The following EDEM2 variants were observed in gnomAD, a reference collection of about 807,000 sequenced individuals.
EDEM2 encodes the protein ER degradation enhancing alpha-mannosidase like protein 2, also known as ER degradation-enhancing alpha-mannosidase-like protein 2.
In EDEM2, 39 loss-of-function variants were observed where a neutral mutation model predicts 64.8. That is an observed-to-expected ratio of 0.60 (90% CI 0.47 to 0.79). EDEM2 has a LOEUF of 0.79. Among genes scored for constraint, EDEM2 ranks in the 30% least tolerant of loss-of-function variants. EDEM2 has a pLI of 0.00. For missense variants in EDEM2, 609 were observed against 731.3 expected (o/e 0.83, Z 1.93); for synonymous variants, 296 against 291.5 (o/e 1.02, Z -0.16).
At chr20:35,137,159 T>C (rs952818048) in intron 5 of EDEM2, among the ~76,000 whole-genome samples, 2 of 152,192 alleles carry the variant, frequency 1.3e-5, no homozygotes, top group African/African-American at 4.8e-5. Flanking sequence ...GGCTCATGCC[T>C]GTAATCCCAG....
At chr20:35,119,691 GAT>G (rs1024943036) in intron 9 of EDEM2, among the ~76,000 whole-genome samples, 2 of 152,154 alleles carry the variant, frequency 1.3e-5, no homozygotes, top group Non-Finnish European at 2.9e-5. Context: ...CAGAAAAAGT[GAT>G]GTTTTGTCTT....
chr20:35,138,649 G>A (rs1402245570), intron 4 of EDEM2, among the ~76,000 whole-genome samples: 1 of 148,350 alleles, frequency 6.7e-6, no homozygotes, highest in Non-Finnish European at 1.5e-5. Flanking sequence ...GCGCGATTTC[G>A]GCTCACTGCA....
intron 7 of EDEM2, 59 bp from the exon 8 acceptor site, chr20:35,126,434 C>A (rs2085433627): frequency 6.3e-6 from 10 of 1,596,806 alleles, no homozygotes; most frequent in Admixed American, 1.7e-5. Context: ...AAAAGGCAGG[C>A]CTGGACAGCG....
At chr20:35,144,748 G>A (rs922518050) in intron 3 of EDEM2, among the ~76,000 whole-genome samples, 2 of 152,118 alleles carry the variant, frequency 1.3e-5, no homozygotes, top group African/African-American at 2.4e-5. Context: ...ACAATTCTCC[G>A]TACATAACAG....
At chr20:35,118,095 A>C (rs2085329037) in intron 10 of EDEM2, among the ~76,000 whole-genome samples, 2 of 152,128 alleles carry the variant, frequency 1.3e-5, no homozygotes, top group African/African-American at 4.8e-5. Flanking sequence ...ATTAAAATGT[A>C]AGCTCCATGA....
At position 35,123,834 on chromosome 20, in the gene EDEM2, T is replaced by C. The variant is rs963147508; in HGVS notation, c.1114+56A>G. ...AGGATGGAGCCTTGTAGAGGGGATT[T>C]GGGGTTTCAGCAACCAGAGCCTGTG... On this transcript the variant is annotated intron_variant, in intron 9 of 10. Coordinates refer to ENST00000374492, the MANE Select transcript of EDEM2 (RefSeq NM_018217.3). 6 of 1,594,198 alleles carry C rather than the reference T, an allele frequency of 3.8e-6. No individual in the cohort carries two copies. The African/African-American group carries it at 6.7e-5, about 18-fold the overall frequency.
At chr20:35,142,848 C>T (rs2085676653) in intron 3 of EDEM2, among the ~76,000 whole-genome samples, 1 of 152,074 alleles carries the variant, frequency 6.6e-6, no homozygotes, top group Admixed American at 6.5e-5. Flanking sequence ...TCACTTCAAA[C>T]TCCGCCTCCT....
intron 10 of EDEM2, chr20:35,117,175 T>G (rs1324339016): frequency 6.6e-6 from 1 of 152,234 alleles, no homozygotes; most frequent in African/African-American, 2.4e-5. Flanking sequence ...TAGGTTCAAC[T>G]GCTGTTGATG....
intron 9 of EDEM2, among the ~76,000 whole-genome samples, chr20:35,120,602 T>C (rs1311486961): frequency 6.7e-6 from 1 of 148,198 alleles, no homozygotes; most frequent in East Asian, 2.0e-4. Flanking sequence ...TCTTTTTTTT[T>C]TTTTTTTTTT....
chr20:35,132,279 C>A (rs2085515452), intron 6 of EDEM2, among the ~76,000 whole-genome samples: 1 of 151,890 alleles, frequency 6.6e-6, no homozygotes, highest in South Asian at 2.1e-4. Context: ...GGGGACTTCA[C>A]CAATGTCACT....
intron 4 of EDEM2, among the ~76,000 whole-genome samples, chr20:35,140,434 C>T (rs974712647): frequency 2.0e-5 from 3 of 151,942 alleles, no homozygotes; most frequent in Non-Finnish European, 2.9e-5. Flanking sequence ...GCCAAGATCG[C>T]GCCACTGCAC....
chr20:35,133,895 T>C (rs1195374214), intron 6 of EDEM2, among the ~76,000 whole-genome samples: 5 of 152,192 alleles, frequency 3.3e-5, no homozygotes, highest in Non-Finnish European at 5.9e-5. Flanking sequence ...TCAGAGTGAC[T>C]CAGCAAAGTT....
chr20:35,121,578 C>G (rs1036730890), intron 9 of EDEM2, among the ~76,000 whole-genome samples: 16 of 152,174 alleles, frequency 1.1e-4, no homozygotes, highest in African/African-American at 3.9e-4. Flanking sequence ...AAGGAGACAG[C>G]CCAAAGTTCA....
intron 6 of EDEM2, among the ~76,000 whole-genome samples, chr20:35,132,583 G>C (rs7265281): frequency 6.6e-5 from 10 of 152,152 alleles, no homozygotes; most frequent in South Asian, 4.1e-4. Flanking sequence ...GAACCCAAGA[G>C]GGGGAGGTTG....
chr20:35,139,718 G>A (rs2085627425), intron 4 of EDEM2, among the ~76,000 whole-genome samples: 1 of 150,950 alleles, frequency 6.6e-6, no homozygotes, highest in South Asian at 2.1e-4. Flanking sequence ...TGGTAAAACT[G>A]CAGAACACCA....
chr20:35,143,656 T>G (rs952725470), intron 3 of EDEM2, among the ~76,000 whole-genome samples: 1 of 152,208 alleles, frequency 6.6e-6, no homozygotes, highest in Non-Finnish European at 1.5e-5. Context: ...CAGTCACTCC[T>G]GTGGTTTGGG....
chr20:35,142,382 T>G lies in EDEM2; in HGVS notation c.355A>C (p.Asn119His). The G allele has an allele frequency of 6.2e-7, 1 of 1,613,576 alleles. No homozygotes were observed. Among genetic ancestry groups the G allele is most frequent in the South Asian group, 1.1e-5 (1 of 91,070 alleles). Reference protein sequence around the residue: ...IDVNASVFETNIRVVGGLLSA... With the variant: ...IDVNASVFETHIRVVGGLLSA... ...AGAGAGCAGCCCTTACCTCGAATGT[T>G]TGTTTCAAACACAGAGGCGTTCACA... The change falls in exon 4 of 11, where the codon AAC (asparagine) becomes CAC (histidine). Residue 119 changes from asparagine to histidine, a missense_variant. Physicochemically the swap from Asn to His is moderately conservative, Grantham distance 68. Transcript: ENST00000374492.
chr20:35,128,979 T>C lies in EDEM2; in HGVS notation c.845-2604A>G, dbSNP rs191023495. On this transcript the variant is annotated intron_variant, in intron 7 of 10. Coordinates refer to ENST00000374492, the MANE Select transcript of EDEM2 (RefSeq NM_018217.3). The stretch of plus-strand genomic sequence containing the variant: ...CAGTAAGCTAACGTTAATTTATTAT[T>C]GGAGGCCAGGCATGGTGGCTCACGC... Among the ~76,000 whole-genome samples the C allele has an allele frequency of 1.0e-4, 14 of 139,390 alleles. No individual in the cohort carries two copies. In the East Asian group the frequency reaches 2.5e-3, roughly 25 times the overall value. 91.4% of individuals were successfully genotyped at this position (139,390 alleles called of 152,430 possible).
At chr20:35,133,462 G>A (rs1156573888) in intron 6 of EDEM2, among the ~76,000 whole-genome samples, 3 of 148,210 alleles carry the variant, frequency 2.0e-5, no homozygotes, top group Non-Finnish European at 4.4e-5. Flanking sequence ...GGTCTCCAGC[G>A]GGGCACCTTT....
Sources: allele counts gnomAD v4.1 joint callset (sites outside exome capture counted in the v4.1 genomes callset), GRCh38; gene constraint gnomAD v4.1.1; transcripts MANE v1.5; gene names NCBI Gene and HGNC (gene_info 2026-07-23, HGNC 2026-07-21).